The following CFAP299 variants were observed in gnomAD, a reference collection of about 807,000 sequenced individuals.
CFAP299 encodes cilia and flagella associated protein 299.
CFAP299 carries 21 observed loss-of-function variants against 27.0 expected under a neutral mutation model. The ratio of observed to expected loss-of-function variants is 0.78; its 90% CI spans 0.55 to 1.12. The LOEUF is 1.12. CFAP299 is among the 50% of genes most tolerant of loss of function. CFAP299 has a pLI of 0.00. For missense variants in CFAP299, 310 were observed against 276.6 expected (o/e 1.12, Z -0.86); for synonymous variants, 104 against 98.1 (o/e 1.06, Z -0.36).
intron 2 of CFAP299, among the ~76,000 whole-genome samples, chr4:80,494,021 C>T (rs1394594015): frequency 4.0e-5 from 6 of 151,794 alleles, no homozygotes; most frequent in Admixed American, 1.3e-4. Flanking sequence ...ATGATCCACC[C>T]GCCTCGGCCT....
intron 3 of CFAP299, among the ~76,000 whole-genome samples, chr4:80,796,084 G>T (rs1273893387): frequency 6.6e-6 from 1 of 152,152 alleles, no homozygotes; most frequent in Non-Finnish European, 1.5e-5. Flanking sequence ...CAGCCTTTCA[G>T]GTCACTTGAT....
chr4:80,387,451 C>T, intron 2 of CFAP299: 1 of 836,720 alleles, frequency 1.2e-6, no homozygotes, highest in South Asian at 1.5e-5. Flanking sequence ...TGAGGACTAC[C>T]TGCTTGGGTT....
intron 4 of CFAP299, among the ~76,000 whole-genome samples, chr4:80,937,458 A>T (rs1393923572): frequency 1.3e-5 from 2 of 150,840 alleles, no homozygotes; most frequent in Non-Finnish European, 3.0e-5. Flanking sequence ...CTGGGGCTAC[A>T]GTTGTACACC....
chr4:80,780,779 C>T (rs1400672250), intron 3 of CFAP299, among the ~76,000 whole-genome samples: 1 of 151,662 alleles, frequency 6.6e-6, no homozygotes, highest in Non-Finnish European at 1.5e-5. Flanking sequence ...TCCTGTGAGA[C>T]ATTATATATT....
intron 3 of CFAP299, among the ~76,000 whole-genome samples, chr4:80,868,157 TTTTA>T (rs1357736802): frequency 6.6e-6 from 1 of 152,164 alleles, no homozygotes; most frequent in Non-Finnish European, 1.5e-5. Flanking sequence ...ATATTATTCT[TTTTA>T]TTTAAGAAGC....
At chr4:80,504,462 C>T (rs1179839546) in intron 2 of CFAP299, among the ~76,000 whole-genome samples, 8 of 37,776 alleles carry the variant, frequency 2.1e-4, no homozygotes, top group Non-Finnish European at 2.5e-4. Context: ...TAAAATCTCA[C>T]ATATATATAT....
At chr4:80,777,138 C>A (rs1324432555) in intron 3 of CFAP299, among the ~76,000 whole-genome samples, 1 of 152,052 alleles carries the variant, frequency 6.6e-6, no homozygotes, top group African/African-American at 2.4e-5. Context: ...ACCATGCACT[C>A]CAAAAAGGAC....
intron 2 of CFAP299, among the ~76,000 whole-genome samples, chr4:80,521,257 A>C (rs1346010491): frequency 6.6e-6 from 1 of 152,166 alleles, no homozygotes; most frequent in Non-Finnish European, 1.5e-5. Context: ...CAAATTAGGC[A>C]CAGTATTTCC....
At chr4:80,656,282 T>A (rs1308477215) in intron 3 of CFAP299, among the ~76,000 whole-genome samples, 2 of 152,128 alleles carry the variant, frequency 1.3e-5, no homozygotes, top group Admixed American at 1.3e-4. Flanking sequence ...ACATGCAGGT[T>A]TTTTACATAG....
intron 3 of CFAP299, among the ~76,000 whole-genome samples, chr4:80,589,994 T>A (rs538926798): frequency 2.6e-5 from 4 of 152,186 alleles, no homozygotes; most frequent in Non-Finnish European, 5.9e-5. Context: ...GTAATTATCA[T>A]GTAATTGTAA....
chr4:80,531,944 G>C (rs181761879), intron 2 of CFAP299, among the ~76,000 whole-genome samples: 3 of 151,860 alleles, frequency 2.0e-5, no homozygotes, highest in East Asian at 3.9e-4. Context: ...TAGTAGAGAC[G>C]GGGTTTCTCC....
chr4:80,587,027 T>C (rs1009154351), intron 3 of CFAP299, among the ~76,000 whole-genome samples: 1 of 152,202 alleles, frequency 6.6e-6, no homozygotes, highest in Non-Finnish European at 1.5e-5. Context: ...TTTCCTGTGT[T>C]GAAATCTCTA....
intron 3 of CFAP299, among the ~76,000 whole-genome samples, chr4:80,807,089 T>C (rs1261687654): frequency 6.6e-6 from 1 of 152,110 alleles, no homozygotes; most frequent in Non-Finnish European, 1.5e-5. Flanking sequence ...TTTCTTGAAA[T>C]CAAATTATCT....
chr4:80,632,372 CA>C (rs1739256146), intron 3 of CFAP299, among the ~76,000 whole-genome samples: 1 of 152,108 alleles, frequency 6.6e-6, no homozygotes, highest in Admixed American at 6.5e-5. Flanking sequence ...TACATTTATT[CA>C]GCATTTATTA....
chr4:80,386,551 C>T (rs2110026478), intron 2 of CFAP299: 3 of 1,595,180 alleles, frequency 1.9e-6, no homozygotes, highest in Admixed American at 1.7e-5. Context: ...GGTCCTTTTC[C>T]TTCTGGGGGC....
chr4:80,825,569 G>A (rs193217233), intron 3 of CFAP299, among the ~76,000 whole-genome samples: 1 of 152,042 alleles, frequency 6.6e-6, no homozygotes, highest in Admixed American at 6.6e-5. Flanking sequence ...AGAAACTTTT[G>A]AGGTCAGAAG....
Position 80,871,771 on chromosome 4 carries a change from G to A in CFAP299, c.476+1636G>A, listed in dbSNP as rs187162440. On this transcript the variant is annotated intron_variant, in intron 4 of 5. Coordinates refer to ENST00000358105, the MANE Select transcript of CFAP299 (RefSeq NM_152770.3). The stretch of plus-strand genomic sequence containing the variant: ...ATCTTTATCTGATACCATTTTTAAA[G>A]AAAACATCTTGGCATTATCATACCT... 5.0e-4 allele frequency: 213 copies of A among 426,076 alleles called. 1 individual carries two copies. The highest frequency in any genetic ancestry group is 4.4e-3 in the African/African-American group (204 of 46,550). 26.4% of individuals were successfully genotyped at this position (426,076 alleles called of 1,614,324 possible).
At chr4:80,721,742 G>GAAA (rs1354501495) in intron 3 of CFAP299, among the ~76,000 whole-genome samples, 1 of 152,054 alleles carries the variant, frequency 6.6e-6, no homozygotes, top group Non-Finnish European at 1.5e-5. Flanking sequence ...TTTATAGAGA[G>GAAA]AAACAAGGTT....
At chr4:80,643,085 C>G (rs1739814232) in intron 3 of CFAP299, among the ~76,000 whole-genome samples, 2 of 151,864 alleles carry the variant, frequency 1.3e-5, no homozygotes, top group Admixed American at 1.3e-4. Context: ...TCGCTTGAGC[C>G]TAGGAGTTCG....
Sources: gnomAD v4.1 joint callset for allele counts (sites outside exome capture counted in the v4.1 genomes callset) on GRCh38, gnomAD v4.1.1 for gene constraint, MANE v1.5 for transcripts, NCBI Gene and HGNC (gene_info 2026-07-23, HGNC 2026-07-21) for gene names.